The following SNTG1 variants were observed in gnomAD, a reference collection of about 807,000 sequenced individuals.
SNTG1 encodes the protein gamma-1-syntrophin.
SNTG1 carries 39 observed loss-of-function variants against 74.7 expected under a neutral mutation model. That is an observed-to-expected ratio of 0.52 (90% CI 0.40 to 0.68). The LOEUF (loss-of-function observed/expected upper bound fraction) is 0.68. Among genes scored for constraint, SNTG1 ranks in the 30% least tolerant of loss-of-function variants. The probability of loss-of-function intolerance (pLI) is 0.00; values close to 1 mark genes in which losing one functional copy is unlikely to be tolerated. For synonymous variants in SNTG1, 254 were observed against 217.1 expected (o/e 1.17, Z -1.49); for missense variants, 685 against 609.5 (o/e 1.12, Z -1.30).
In SNTG1 at chr8:50,191,391, A is replaced by G. The variant is rs1309858436; in HGVS notation, c.-28+18756A>G. 1.3e-5 allele frequency among the ~76,000 whole-genome samples: 2 copies of G among 152,168 alleles called. 1 individual carries two copies. The highest frequency in any genetic ancestry group is 1.3e-4 in the Admixed American group (2 of 15,254). The stretch of plus-strand genomic sequence containing the variant: ...TTTTGAAATATTGGGTTATCAGCAT[A>G]GGATGCTCTAATATGCCAGGTGAAT... On this transcript the variant is annotated intron_variant, in intron 2 of 18. Transcript: ENST00000642720.
At chr8:50,015,560 T>C (rs1041809927) in intron 1 of SNTG1, among the ~76,000 whole-genome samples, 1 of 152,068 alleles carries the variant, frequency 6.6e-6, no homozygotes, top group Non-Finnish European at 1.5e-5. Flanking sequence ...AATCTCCAAG[T>C]AGAATAAGCT....
chr8:50,310,526 TA>T (rs2090068851), intron 2 of SNTG1, among the ~76,000 whole-genome samples: 1 of 152,064 alleles, frequency 6.6e-6, no homozygotes, highest in African/African-American at 2.4e-5. Flanking sequence ...CTGTCTCTAC[TA>T]AAAATACAAA....
At chr8:50,438,440 G>A in intron 4 of SNTG1, 103 bp from the exon 5 acceptor site, 2 of 877,924 alleles carry the variant, frequency 2.3e-6, no homozygotes, top group Non-Finnish European at 3.7e-6. Flanking sequence ...TTGTTTTAAA[G>A]AGCAAAAGCA....
At chr8:50,562,600 T>C (rs1408763868) in intron 12 of SNTG1, among the ~76,000 whole-genome samples, 2 of 152,188 alleles carry the variant, frequency 1.3e-5, no homozygotes, top group East Asian at 3.9e-4. Context: ...TGATAATATA[T>C]AAATGTGTGG....
intron 2 of SNTG1, among the ~76,000 whole-genome samples, chr8:50,385,090 A>G (rs2092552881): frequency 6.6e-6 from 1 of 152,198 alleles, no homozygotes. Flanking sequence ...GGGACATGCC[A>G]AAGGCTCTAA....
At chr8:50,328,217 C>T (rs190281675) in intron 2 of SNTG1, among the ~76,000 whole-genome samples, 1 of 152,234 alleles carries the variant, frequency 6.6e-6, no homozygotes, top group East Asian at 1.9e-4. Context: ...CAAGACAGGG[C>T]TATTGGCAAC....
chr8:50,088,938 G>T (rs375165314), intron 1 of SNTG1, among the ~76,000 whole-genome samples: 1 of 151,098 alleles, frequency 6.6e-6, no homozygotes, highest in Non-Finnish European at 1.5e-5. Flanking sequence ...AAAAGAGCCC[G>T]CATGGCCAAG....
rs541025573 is a variant in SNTG1 at position 50,622,805 on chromosome 8, A to ACAG, written c.849+31890_849+31891insGCA. On this transcript the variant is annotated intron_variant, in intron 13 of 18. Transcript: ENST00000642720. ...ACATTAGCAGATGAAATTTCTAAGA[A>ACAG]CATAATAAAATAGAAATCTTTAAAT... is the stretch of plus-strand genomic sequence containing the variant. 8.1e-3 allele frequency among the ~76,000 whole-genome samples: 1,230 copies of ACAG among 152,056 alleles called. 18 individuals are homozygous for ACAG. Among genetic ancestry groups the ACAG allele is most frequent in the South Asian group, 0.045 (217 of 4,816 alleles).
intron 8 of SNTG1, among the ~76,000 whole-genome samples, chr8:50,459,033 C>T (rs758303173): frequency 4.7e-4 from 71 of 152,150 alleles, no homozygotes; most frequent in Non-Finnish European, 7.6e-4. Flanking sequence ...CTTATTCTAA[C>T]GGTTTTATAG....
chr8:50,081,062 A>G (rs1822357735), intron 1 of SNTG1, among the ~76,000 whole-genome samples: 1 of 152,046 alleles, frequency 6.6e-6, no homozygotes, highest in South Asian at 2.1e-4. Context: ...TTAATAAGTT[A>G]ATAAAAGATA....
chr8:50,677,560 C>A (rs148809746), intron 15 of SNTG1, among the ~76,000 whole-genome samples: 3 of 152,048 alleles, frequency 2.0e-5, no homozygotes, highest in South Asian at 2.1e-4. Context: ...TTTTCCATAA[C>A]CTTTCTAGAC....
chr8:50,419,919 C>T lies in SNTG1; in HGVS notation c.162+17575C>T, dbSNP rs566716475. 8.2e-4 allele frequency among the ~76,000 whole-genome samples: 124 copies of T among 150,770 alleles called. 1 individual carries two copies. The highest frequency in any genetic ancestry group is 2.6e-3 in the African/African-American group (107 of 41,000). Reference sequence around the variant, plus strand: ...TGGTTGGGCACAACAGCACAATGGACGGGACAGAGAAAATAAACAGTTAAC... The same window carrying T: ...TGGTTGGGCACAACAGCACAATGGATGGGACAGAGAAAATAAACAGTTAAC... On this transcript the variant is annotated intron_variant, in intron 4 of 18. Transcript: ENST00000642720.
intron 2 of SNTG1, among the ~76,000 whole-genome samples, chr8:50,229,291 T>C (rs904842344): frequency 2.0e-5 from 3 of 151,536 alleles, no homozygotes; most frequent in African/African-American, 7.2e-5. Context: ...ATCTTAAACA[T>C]ACCAATTAAA....
chr8:50,506,158 C>G (rs537929928), intron 9 of SNTG1, among the ~76,000 whole-genome samples: 116 of 152,168 alleles, frequency 7.6e-4, no homozygotes, highest in Admixed American at 2.2e-3. Flanking sequence ...ATAATTTCAT[C>G]ACATATTGAG....
At chr8:50,326,088 T>C (rs576500912) in intron 2 of SNTG1, among the ~76,000 whole-genome samples, 5 of 152,104 alleles carry the variant, frequency 3.3e-5, no homozygotes, top group Non-Finnish European at 5.9e-5. Context: ...CAAGTGGCTG[T>C]AGTGTATAGT....
At chr8:50,503,577 A>G (rs2093981989) in intron 9 of SNTG1, among the ~76,000 whole-genome samples, 1 of 152,194 alleles carries the variant, frequency 6.6e-6, no homozygotes, top group Non-Finnish European at 1.5e-5. Context: ...TCTTCTTCAT[A>G]CATTATTTTG....
chr8:50,168,273 G>A (rs2082693622), intron 1 of SNTG1, among the ~76,000 whole-genome samples: 1 of 151,988 alleles, frequency 6.6e-6, no homozygotes, highest in South Asian at 2.1e-4. Context: ...ACACAAACCA[G>A]TTTACATTGT....
chr8:49,967,176 A>C (rs140665632), intron 1 of SNTG1, among the ~76,000 whole-genome samples: 27 of 152,296 alleles, frequency 1.8e-4, no homozygotes, highest in African/African-American at 6.3e-4. Context: ...TCACAAATGA[A>C]AAAACAGATG....
chr8:50,317,916 A>G lies in SNTG1; in HGVS notation c.-27-76296A>G, dbSNP rs569206554. On this transcript the variant is annotated intron_variant, in intron 2 of 18. Coordinates refer to ENST00000642720, the MANE Select transcript of SNTG1 (RefSeq NM_018967.5). ...CAGTGGCGCAATCTCTGCTCACTGC[A>G]AGCTCCGCCTCCCGGGTTCACGCCA... 4.6e-5 allele frequency among the ~76,000 whole-genome samples: 7 copies of G among 152,198 alleles called. No homozygotes were observed. In the South Asian group the frequency reaches 1.2e-3, roughly 27 times the overall value.
Sources: allele counts gnomAD v4.1 joint callset (sites outside exome capture counted in the v4.1 genomes callset), GRCh38; gene constraint gnomAD v4.1.1; transcripts MANE v1.5; gene names NCBI Gene and HGNC (gene_info 2026-07-23, HGNC 2026-07-21).